SAMHD1: variants seen among roughly 807,000 people sequenced by gnomAD.
SAMHD1 encodes SAM and HD domain containing deoxynucleoside triphosphate triphosphohydrolase 1, also known as deoxynucleoside triphosphate triphosphohydrolase SAMHD1.
Under a neutral mutation model 79.6 loss-of-function variants are expected in SAMHD1, and 54 were observed. The observed-to-expected ratio is 0.68, with a 90% CI of 0.55 to 0.85. The LOEUF (loss-of-function observed/expected upper bound fraction) is 0.85. Among genes scored for constraint, SAMHD1 ranks in the 40% least tolerant of loss-of-function variants. SAMHD1 has a pLI of 0.00. For synonymous variants in SAMHD1, 260 were observed against 264.1 expected (o/e 0.98, Z 0.15); for missense variants, 663 against 782.7 (o/e 0.85, Z 1.82).
Position 36,892,694 on chromosome 20 carries a change from G to A in SAMHD1, c.*238C>T. On this transcript the variant is annotated 3_prime_UTR_variant, in exon 16 of 16. Transcript: ENST00000646673. ...TGTTATTCTAAGAAAATAGACTACT[G>A]AAGGAGAAAGGCTTTAATAATATTA... The A allele has an allele frequency of 1.7e-6, 1 of 578,934 alleles. No homozygotes were observed. Among genetic ancestry groups the A allele is most frequent in the Non-Finnish European group, 3.1e-6 (1 of 323,946 alleles). 35.9% of individuals were successfully genotyped at this position (578,934 alleles called of 1,614,324 possible).
intron 1 of SAMHD1, among the ~76,000 whole-genome samples, chr20:36,949,485 G>A (rs1374498359): frequency 6.7e-6 from 1 of 149,876 alleles, no homozygotes; most frequent in Non-Finnish European, 1.5e-5. Flanking sequence ...GGCCGGGCGC[G>A]GTGGCTCACG....
In SAMHD1 at chr20:36,919,550, A is replaced by G. The variant is rs1307476231; in HGVS notation, c.697-31T>C. 4 of 1,610,100 alleles carry G rather than the reference A, an allele frequency of 2.5e-6. No homozygotes were observed. In the South Asian group the frequency reaches 3.3e-5, roughly 13 times the overall value. On this transcript the variant is annotated intron_variant, in intron 6 of 15. Transcript: ENST00000646673. ...AAAAGTAAGCACAATATGATGTGTTAAAGATTCTAGCCCATTGGGAGCCCT... is the reference window on the plus strand; with the variant it reads ...AAAAGTAAGCACAATATGATGTGTTGAAGATTCTAGCCCATTGGGAGCCCT...
rs1441668154 is a variant in SAMHD1, at chr20:36,939,308, G to C, written c.348+1731C>G. Among the ~76,000 whole-genome samples the C allele has an allele frequency of 2.0e-5, 3 of 148,264 alleles. No individual in the cohort carries two copies. The South Asian group carries it at 6.4e-4, about 32-fold the overall frequency. ...AAGAAAAGAAAAAGAAAATAACCGG[G>C]TAGGCCAGACGTGTTGGCTCATGCC... On this transcript the variant is annotated intron_variant, in intron 3 of 15. Transcript: ENST00000646673.
chr20:36,905,544 C>T (rs752492913), intron 11 of SAMHD1, 41 bp from the exon 12 acceptor site: 19 of 1,518,772 alleles, frequency 1.3e-5, no homozygotes, highest in Admixed American at 1.0e-4. Context: ...AAAATAAAAA[C>T]ACAGAGTTAA....
At chr20:36,920,471 A>ATCAGGGCTG (rs1190024555) in intron 6 of SAMHD1, among the ~76,000 whole-genome samples, 2 of 152,112 alleles carry the variant, frequency 1.3e-5, no homozygotes, top group Non-Finnish European at 1.5e-5. Flanking sequence ...TAAAAACAGA[A>ATCAGGGCTG]TCAGGGCTGT....
chr20:36,911,292 A>T lies in SAMHD1; in HGVS notation c.1196T>A (p.Ile399Asn), dbSNP rs2148365021. 1 of 1,612,868 alleles carries T rather than the reference A, an allele frequency of 6.2e-7. No individual in the cohort carries two copies. Among genetic ancestry groups the T allele is most frequent in the Non-Finnish European group, 8.5e-7 (1 of 1,179,888 alleles). The change falls in exon 11 of 16, where the codon ATT (isoleucine) becomes AAT (asparagine). Residue 399 changes from isoleucine to asparagine, a missense_variant. By Grantham distance (149) the Ile-to-Asn change is moderately radical (BLOSUM62 -3). Transcript: ENST00000646673. ...ATACTTTTTTCCTCCAGCACCTGTA[A>T]TCTCTATGTAGTCATCTGCTTTGAG... ...AFLKADDYIEITGAGGKKYRI... is the reference protein window; with the variant it reads ...AFLKADDYIENTGAGGKKYRI...
rs141599277 is a variant in SAMHD1 at position 36,946,787 on chromosome 20, C to A, written c.226G>T (p.Ala76Ser). The A allele has an allele frequency of 4.8e-5, 78 of 1,612,274 alleles. No individual in the cohort carries two copies. The highest frequency in any genetic ancestry group is 6.3e-5 in the Non-Finnish European group (74 of 1,178,810). ...GACTCATCAAGACAAGGCAGTAATGCGCCTGTGATTTCATTTTCTATGGAA... is the reference window on the plus strand; with the variant it reads ...GACTCATCAAGACAAGGCAGTAATGAGCCTGTGATTTCATTTTCTATGGAA... ...KNIRENEITGALLPCLDESRF... is the reference protein window; with the variant it reads ...KNIRENEITGSLLPCLDESRF... Residue 76 changes from alanine (A) to serine (S), a missense_variant, in exon 2 of 16, where the codon GCA (alanine) becomes TCA (serine). Coordinates refer to ENST00000646673, the MANE Select transcript of SAMHD1 (RefSeq NM_015474.4).
At chr20:36,921,159 C>T (rs1178840574) in intron 6 of SAMHD1, among the ~76,000 whole-genome samples, 6 of 151,876 alleles carry the variant, frequency 4.0e-5, no homozygotes, top group Non-Finnish European at 7.4e-5. Context: ...CTTTAGGAGG[C>T]GGAGGCAGGC....
chr20:36,950,561 TGAGTA>T (rs1169246287), intron 1 of SAMHD1, among the ~76,000 whole-genome samples: 1 of 151,996 alleles, frequency 6.6e-6, no homozygotes, highest in Admixed American at 6.6e-5. Flanking sequence ...CACAAAAAGT[TGAGTA>T]GAATTCACAA....
intron 10 of SAMHD1, chr20:36,911,983 G>T (rs540182951): frequency 2.5e-4 from 50 of 199,236 alleles, no homozygotes; most frequent in African/African-American, 1.2e-3. Context: ...ACTGGGTCAG[G>T]AAGAGGTAAA....
chr20:36,930,718 TTA>T, intron 5 of SAMHD1, 40 bp downstream of exon 5: 1 of 1,337,022 alleles, frequency 7.5e-7, no homozygotes, highest in South Asian at 1.2e-5. Flanking sequence ...GTAACATATG[TTA>T]TGATTTTACA....
chr20:36,905,378 T>C lies in SAMHD1; in HGVS notation c.1396A>G (p.Ile466Val), dbSNP rs973444339. The C allele has an allele frequency of 1.9e-6, 3 of 1,614,010 alleles. No individual in the cohort carries two copies. Among genetic ancestry groups the C allele is most frequent in the Non-Finnish European group, 1.7e-6 (2 of 1,180,014 alleles). The change falls in exon 12 of 16, where the codon ATA (isoleucine) becomes GTA (valine). Residue 466 changes from isoleucine (I) to valine (V), a missense_variant. Transcript: ENST00000646673. The part of the protein sequence containing the change: ...YVGETQPTGQ[I>V]KIKREDYESL... ...TGATAACTCACCCTTTTAATCTTTA[T>C]TTGTCCTGTTGGCTGCGTCTCACCC...
At chr20:36,921,550 C>G (rs1014034549) in intron 6 of SAMHD1, among the ~76,000 whole-genome samples, 2 of 151,910 alleles carry the variant, frequency 1.3e-5, no homozygotes, top group Non-Finnish European at 2.9e-5. Flanking sequence ...TTATGTGCCT[C>G]CTGAGATGAT....
chr20:36,928,710 T>C (rs912410287), intron 5 of SAMHD1, among the ~76,000 whole-genome samples: 5 of 145,148 alleles, frequency 3.4e-5, no homozygotes, highest in Admixed American at 7.0e-5. Flanking sequence ...GAAAATCCAC[T>C]GGGGTGCAGG....
In SAMHD1 at chr20:36,900,536, G is replaced by A. The variant is rs186960702; in HGVS notation, c.1504-1992C>T. On this transcript the variant is annotated intron_variant, in intron 13 of 15. Transcript: ENST00000646673. Reference sequence around the variant, plus strand: ...GCTGGGATTACAGGCATGAGCCACCGGGGCCGGCCTAGTTAACAGTAATCT... The same window carrying A: ...GCTGGGATTACAGGCATGAGCCACCAGGGCCGGCCTAGTTAACAGTAATCT... Among the ~76,000 whole-genome samples the A allele has an allele frequency of 3.0e-4, 45 of 151,304 alleles. No homozygotes were observed. In the East Asian group the frequency reaches 5.3e-3, roughly 18 times the overall value.
At chr20:36,903,310 G>A (rs1601117587) in intron 13 of SAMHD1, among the ~76,000 whole-genome samples, 2 of 152,116 alleles carry the variant, frequency 1.3e-5, no homozygotes, top group East Asian at 3.9e-4. Flanking sequence ...CGTGATCTCG[G>A]CTCACTGCAA....
intron 2 of SAMHD1, 113 bp from the exon 3 acceptor site, chr20:36,941,224 G>A (rs2063642495): frequency 1.3e-6 from 1 of 747,504 alleles, no homozygotes; most frequent in African/African-American, 1.7e-5. Context: ...AAGTTAGATT[G>A]GAAGGAACAA....
At chr20:36,950,776 C>A (rs2063728537) in intron 1 of SAMHD1, among the ~76,000 whole-genome samples, 1 of 152,174 alleles carries the variant, frequency 6.6e-6, no homozygotes, top group African/African-American at 2.4e-5. Flanking sequence ...AGTCAACACA[C>A]GCCTATCGGG....
intron 1 of SAMHD1, among the ~76,000 whole-genome samples, chr20:36,947,310 GGTGTGTGTGTGTGTGT>G (rs35061251): frequency 0.019 from 1,592 of 85,106 alleles, 21 homozygotes; most frequent in Middle Eastern, 0.082. Flanking sequence ...ATTTGGAAGA[GGTGTGTGTGTGTGTGT>G]GTGTGTGTGT....
Sources: gnomAD v4.1 joint callset for allele counts (sites outside exome capture counted in the v4.1 genomes callset) on GRCh38, gnomAD v4.1.1 for gene constraint, MANE v1.5 for transcripts, NCBI Gene and HGNC (gene_info 2026-07-23, HGNC 2026-07-21) for gene names.